The following GABPA variants were observed in gnomAD, a reference collection of about 807,000 sequenced individuals.
The protein encoded by GABPA is GA binding protein transcription factor subunit alpha.
Under a neutral mutation model 59.4 loss-of-function variants are expected in GABPA, and 4 were observed. The observed-to-expected ratio is 0.07, with a 90% CI of 0.03 to 0.15. The LOEUF (loss-of-function observed/expected upper bound fraction) is 0.15. Ranked by LOEUF, GABPA falls within the 10% of genes least tolerant of loss-of-function variation. GABPA has a pLI of 1.00. For missense variants in GABPA, 251 were observed against 543.8 expected (o/e 0.46, Z 5.36); for synonymous variants, 164 against 183.1 (o/e 0.90, Z 0.84).
chr21:25,767,352 T>TA (rs1036986280), intron 9 of GABPA, among the ~76,000 whole-genome samples: 17 of 151,972 alleles, frequency 1.1e-4, no homozygotes, highest in African/African-American at 3.9e-4. Flanking sequence ...TTAAAAAGTT[T>TA]AAAAAAATAC....
chr21:25,743,668 A>G (rs568826581), intron 2 of GABPA, among the ~76,000 whole-genome samples: 1 of 152,032 alleles, frequency 6.6e-6, no homozygotes, highest in South Asian at 2.1e-4. Context: ...AAAACTTTTT[A>G]AAAATGTTTA....
chr21:25,755,649 A>G (rs2035618375), intron 5 of GABPA, among the ~76,000 whole-genome samples: 1 of 152,008 alleles, frequency 6.6e-6, no homozygotes, highest in African/African-American at 2.4e-5. Context: ...ATAGGCTTTT[A>G]TTACTGGGAA....
rs770410395 is a variant in GABPA, at chr21:25,770,373, T to C, written c.*1141T>C. ...ATAAACATATGAAGGCATAAAGATA[T>C]ACAGAAGAAAAATTATTAAACAACT... On this transcript the variant is annotated 3_prime_UTR_variant, in exon 10 of 10. Transcript: ENST00000400075. 1.3e-5 allele frequency: 2 copies of C among 152,150 alleles called. No individual in the cohort carries two copies. Among genetic ancestry groups the C allele is most frequent in the African/African-American group, 2.4e-5 (1 of 41,460 alleles). The allele number at this position is 152,150 out of a possible 1,614,324, so 9.4% of individuals were successfully genotyped here.
Position 25,770,523 on chromosome 21 carries a change from G to A in GABPA, c.*1291G>A, listed in dbSNP as rs549823577. The A allele has an allele frequency of 2.0e-5, 3 of 152,180 alleles. No homozygotes were observed. In the East Asian group the frequency reaches 5.8e-4, roughly 29 times the overall value. The allele number at this position is 152,180 out of a possible 1,614,324, so 9.4% of individuals were successfully genotyped here. ...CTCTCTTTGTTGTTTAAGGTATTAA[G>A]CACGAATTATTACATGAGACTGGCA... On this transcript the variant is annotated 3_prime_UTR_variant, in exon 10 of 10. Transcript: ENST00000400075.
At chr21:25,749,456 C>T (rs565863680) in intron 4 of GABPA, among the ~76,000 whole-genome samples, 5 of 152,302 alleles carry the variant, frequency 3.3e-5, no homozygotes, top group African/African-American at 1.2e-4. Context: ...CTGCCATGAT[C>T]TGGAAAATAC....
At chr21:25,744,075 A>G (rs1159308183) in intron 2 of GABPA, among the ~76,000 whole-genome samples, 4 of 148,680 alleles carry the variant, frequency 2.7e-5, no homozygotes, top group African/African-American at 7.5e-5. Context: ...CTACCAGGCT[A>G]TAGCTGAAGA....
At chr21:25,745,441 C>G in intron 3 of GABPA, 87 bp downstream of exon 3, 1 of 1,220,304 alleles carries the variant, frequency 8.2e-7, no homozygotes, top group South Asian at 1.5e-5. Context: ...TAGCTATAGA[C>G]TTTATCTCTG....
At chr21:25,756,980 G>A (rs1450648770) in intron 5 of GABPA, among the ~76,000 whole-genome samples, 4 of 152,122 alleles carry the variant, frequency 2.6e-5, no homozygotes, top group Admixed American at 2.6e-4. Flanking sequence ...GGGCACCTCT[G>A]TTCCTTTAGT....
intron 2 of GABPA, among the ~76,000 whole-genome samples, chr21:25,744,376 A>G (rs1568940991): frequency 1.3e-5 from 2 of 152,300 alleles, no homozygotes; most frequent in Middle Eastern, 6.8e-3. Flanking sequence ...AGCTATATAC[A>G]TTCATTGAAT....
chr21:25,736,941 A>G (rs1354024004), intron 1 of GABPA, among the ~76,000 whole-genome samples: 2 of 152,248 alleles, frequency 1.3e-5, no homozygotes, highest in Non-Finnish European at 2.9e-5. Flanking sequence ...TTAATCTCGC[A>G]GGTACCCCCA....
At chr21:25,764,085 T>TA in intron 7 of GABPA, 125 bp from the exon 8 acceptor site, 1 of 715,816 alleles carries the variant, frequency 1.4e-6, no homozygotes, top group Non-Finnish European at 2.2e-6. Flanking sequence ...AGGCTTTCTG[T>TA]AGTGAAGTAC....
At chr21:25,744,247 C>T (rs979528378) in intron 2 of GABPA, among the ~76,000 whole-genome samples, 16 of 151,906 alleles carry the variant, frequency 1.1e-4, no homozygotes, top group African/African-American at 3.1e-4. Context: ...GTCCCAGCTA[C>T]TTGGGAGGCT....
Position 25,745,227 on chromosome 21 carries a change from A to G in GABPA, c.95A>G (p.Tyr32Cys). Residue 32 changes from tyrosine to cysteine, a missense_variant, in exon 3 of 10, where the codon TAC becomes TGC. Physicochemically the swap from Tyr to Cys is radical, Grantham distance 194 (BLOSUM62 -2). Coordinates refer to ENST00000400075, the MANE Select transcript of GABPA (RefSeq NM_002040.4). Reference sequence around the variant, plus strand: ...ACATTTAGCATTGTAGAACAAACCTACGCGCCAGCTGAATGTGTAAGCCAG... The same window carrying G: ...ACATTTAGCATTGTAGAACAAACCTGCGCGCCAGCTGAATGTGTAAGCCAG... ...CTEESIVEQT[Y>C]APAECVSQAI... 3 of 1,613,536 alleles carry G rather than the reference A, an allele frequency of 1.9e-6. No homozygotes were observed. The highest frequency in any genetic ancestry group is 2.5e-6 in the Non-Finnish European group (3 of 1,179,926).
At chr21:25,753,004 G>A (rs1456203734) in intron 5 of GABPA, among the ~76,000 whole-genome samples, 2 of 152,106 alleles carry the variant, frequency 1.3e-5, no homozygotes, top group African/African-American at 4.8e-5. Context: ...GAAGATACAA[G>A]TATTGATCTA....
At chr21:25,753,289 G>A (rs576765760) in intron 5 of GABPA, among the ~76,000 whole-genome samples, 2 of 152,180 alleles carry the variant, frequency 1.3e-5, no homozygotes, top group South Asian at 4.2e-4. Flanking sequence ...GCCAGAAAAT[G>A]GTTTCAGTTA....
At chr21:25,748,293 CT>C (rs1364987385) in intron 3 of GABPA, among the ~76,000 whole-genome samples, 1 of 152,156 alleles carries the variant, frequency 6.6e-6, no homozygotes, top group Non-Finnish European at 1.5e-5. Context: ...CAGTTGAATT[CT>C]TGGGAATGCG....
At chr21:25,742,131 G>A (rs901194790) in intron 2 of GABPA, among the ~76,000 whole-genome samples, 6 of 152,124 alleles carry the variant, frequency 3.9e-5, no homozygotes, top group African/African-American at 1.2e-4. Context: ...GAGTACTTAC[G>A]GGACCAGTAC....
intron 3 of GABPA, among the ~76,000 whole-genome samples, chr21:25,748,673 A>G (rs187196270): frequency 6.6e-6 from 1 of 152,322 alleles, no homozygotes; most frequent in Admixed American, 6.5e-5. Context: ...AATTATCATG[A>G]CTAATTAAAC....
At chr21:25,741,542 T>C in intron 1 of GABPA, 31 bp from the exon 2 acceptor site, 1 of 1,288,862 alleles carries the variant, frequency 7.8e-7, no homozygotes. Context: ...TGTGGATAGT[T>C]TTAAAATATC....
Sources: gnomAD v4.1 joint callset for allele counts (sites outside exome capture counted in the v4.1 genomes callset) on GRCh38, gnomAD v4.1.1 for gene constraint, MANE v1.5 for transcripts, NCBI Gene and HGNC (gene_info 2026-07-23, HGNC 2026-07-21) for gene names.